TTC6: variants seen among roughly 807,000 people sequenced by gnomAD.
TTC6 encodes tetratricopeptide repeat protein 6.
TTC6 carries 172 observed loss-of-function variants against 210.4 expected under a neutral mutation model. That is an observed-to-expected ratio of 0.82 (90% confidence interval 0.72 to 0.93). The LOEUF (loss-of-function observed/expected upper bound fraction) is 0.93, where lower values mean the gene tolerates loss of function less well. TTC6 is among the 40% of genes least tolerant of loss of function. The pLI is 0.00. For synonymous variants in TTC6, 804 were observed against 819.6 expected (o/e 0.98, Z 0.32); for missense variants, 2,414 against 2,318.1 (o/e 1.04, Z -0.85).
rs753985366 is a variant in TTC6, at chr14:37,657,136, C to T, written c.940-23015C>T. On this transcript the variant is annotated intron_variant, in intron 1 of 30. Transcript: ENST00000553443. ...CTGAGGCAGGAGAACCGCTTGAATC[C>T]GGGAGGCGGAGGTTGCAGTGAGTCG... 4.3e-5 allele frequency among the ~76,000 whole-genome samples: 6 copies of T among 139,326 alleles called. 1 individual carries two copies. The highest frequency in any genetic ancestry group is 4.8e-4 in the South Asian group (2 of 4,160). 91.4% of individuals were successfully genotyped at this position (139,326 alleles called of 152,430 possible). A position where few individuals can be genotyped will look rare whatever the true frequency, so the allele number is the denominator to read the frequency against.
chr14:37,751,097 A>G, exon 13 of TTC6: 1 of 1,527,022 alleles, frequency 6.5e-7, no homozygotes, highest in Non-Finnish European at 8.8e-7. Flanking sequence ...AAAAAAAGAC[A>G]TAACTTTGGC....
At chr14:37,788,563 A>C (rs140051613) in intron 15 of TTC6, among the ~76,000 whole-genome samples, 1,659 of 152,222 alleles carry the variant, frequency 0.011, 23 homozygotes, top group Middle Eastern at 0.041. Flanking sequence ...CCTCCCCTCT[A>C]TTTCCAGTGA....
At chr14:37,782,566 T>C (rs2139268675) in intron 14 of TTC6, among the ~76,000 whole-genome samples, 1 of 151,944 alleles carries the variant, frequency 6.6e-6, no homozygotes, top group East Asian at 1.9e-4. Context: ...AATCATGTCA[T>C]CTGCAAACAG....
At chr14:37,824,867 G>C (rs914071664) in intron 27 of TTC6, among the ~76,000 whole-genome samples, 1 of 152,146 alleles carries the variant, frequency 6.6e-6, no homozygotes, top group African/African-American at 2.4e-5. Flanking sequence ...CAAGTGAATG[G>C]AATGTTATGG....
chr14:37,831,944 C>T (rs1264025683), intron 29 of TTC6, among the ~76,000 whole-genome samples: 1 of 152,140 alleles, frequency 6.6e-6, no homozygotes, highest in Non-Finnish European at 1.5e-5. Context: ...TTGATATAAA[C>T]CCACTTGTCT....
intron 3 of TTC6, among the ~76,000 whole-genome samples, chr14:37,689,964 A>C (rs2095800631): frequency 6.6e-6 from 1 of 152,298 alleles, no homozygotes; most frequent in Non-Finnish European, 1.5e-5. Context: ...AAATAGAGAG[A>C]CTAAATGATT....
chr14:37,807,414 G>C (rs1434679867), exon 23 of TTC6: 1 of 1,530,404 alleles, frequency 6.5e-7, no homozygotes, highest in East Asian at 2.4e-5. Context: ...TACCCTGAAA[G>C]CGTACGTGCC....
At chr14:37,748,828 T>A (rs2095943508) in intron 10 of TTC6, 111 bp from the exon 13 acceptor site, 4 of 774,312 alleles carry the variant, frequency 5.2e-6, no homozygotes, top group Non-Finnish European at 7.8e-6. Flanking sequence ...AATTAGCATG[T>A]AATTTTGTTT....
At chr14:37,604,648 G>T (rs1369482707) in intron 1 of TTC6, among the ~76,000 whole-genome samples, 1 of 152,096 alleles carries the variant, frequency 6.6e-6, no homozygotes, top group Non-Finnish European at 1.5e-5. Context: ...CGGGGTTGTG[G>T]TTTGGATCTA....
chr14:37,782,705 C>G (rs2096058161), intron 14 of TTC6, among the ~76,000 whole-genome samples: 1 of 152,074 alleles, frequency 6.6e-6, no homozygotes. Context: ...TGTCTTGTGC[C>G]AGTTTTCAAA....
chr14:37,658,572 GC>G (rs2095729947), intron 1 of TTC6, among the ~76,000 whole-genome samples: 1 of 152,168 alleles, frequency 6.6e-6, no homozygotes, highest in Non-Finnish European at 1.5e-5. Flanking sequence ...TGGAGACTTG[GC>G]AGGGTGAGAG....
At chr14:37,708,459 T>C (rs1458870470) in intron 5 of TTC6, among the ~76,000 whole-genome samples, 6 of 152,114 alleles carry the variant, frequency 3.9e-5, no homozygotes, top group Admixed American at 2.6e-4. Context: ...AGCGTAATGA[T>C]TGACTAATCC....
chr14:37,612,221 A>C (rs2095635925), intron 2 of TTC6, among the ~76,000 whole-genome samples: 1 of 152,160 alleles, frequency 6.6e-6, no homozygotes. Context: ...TTTGCTCTTC[A>C]TCCCTGCTTT....
chr14:37,716,480 T>C (rs1375231622), intron 6 of TTC6, among the ~76,000 whole-genome samples: 1 of 151,684 alleles, frequency 6.6e-6, no homozygotes, highest in Non-Finnish European at 1.5e-5. Context: ...AGTTTGAAAA[T>C]AAAAGGGTTA....
At chr14:37,833,054 C>CCA (rs2096189734) in intron 29 of TTC6, among the ~76,000 whole-genome samples, 1 of 131,648 alleles carries the variant, frequency 7.6e-6, no homozygotes, top group Admixed American at 7.8e-5. Flanking sequence ...GAGACTCCAT[C>CCA]AAAAAAAAAA....
At chr14:37,632,945 A>G (rs191937582) in intron 1 of TTC6, among the ~76,000 whole-genome samples, 293 of 152,314 alleles carry the variant, frequency 1.9e-3, no homozygotes, top group Non-Finnish European at 2.0e-3. Context: ...GTGCCTCAGT[A>G]AGGGCAGACA....
chr14:37,633,746 C>A (rs1478230260), intron 1 of TTC6, among the ~76,000 whole-genome samples: 8 of 152,202 alleles, frequency 5.3e-5, no homozygotes, highest in Admixed American at 5.2e-4. Flanking sequence ...CCTCTTCCCT[C>A]TGGTGTCAAT....
At chr14:37,713,151 C>A (rs1244598281) in intron 5 of TTC6, among the ~76,000 whole-genome samples, 1 of 151,988 alleles carries the variant, frequency 6.6e-6, no homozygotes, top group Non-Finnish European at 1.5e-5. Context: ...TGCTCACTGG[C>A]AAAAAACAAA....
chr14:37,649,265 G>T (rs1242564527), intron 1 of TTC6, among the ~76,000 whole-genome samples: 1 of 152,096 alleles, frequency 6.6e-6, no homozygotes, highest in Non-Finnish European at 1.5e-5. Context: ...CACTCCGTAG[G>T]GCTGTTTCTT....
Sources: gnomAD v4.1 joint callset for allele counts (sites outside exome capture counted in the v4.1 genomes callset) on GRCh38, gnomAD v4.1.1 for gene constraint, MANE v1.5 for transcripts, NCBI Gene and HGNC (gene_info 2026-07-23, HGNC 2026-07-21) for gene names.